The following MAP3K6 variants were observed in gnomAD, a reference collection of about 807,000 sequenced individuals.
The protein encoded by MAP3K6 is mitogen-activated protein kinase kinase kinase 6.
Under a neutral mutation model 147.1 loss-of-function variants are expected in MAP3K6, and 105 were observed. That is an observed-to-expected ratio of 0.71 (90% CI 0.61 to 0.84). The LOEUF is 0.84. Ranked by LOEUF, MAP3K6 falls within the 40% of genes least tolerant of loss-of-function variation. The pLI is 0.00. For synonymous variants in MAP3K6, 695 were observed against 732.4 expected (o/e 0.95, Z 0.82); for missense variants, 1,569 against 1,715.0 (o/e 0.91, Z 1.50).
At position 27,361,501 on chromosome 1, in the gene MAP3K6, G is replaced by A; in HGVS notation, c.1686+19C>T. 1 of 1,613,214 alleles carries A rather than the reference G, an allele frequency of 6.2e-7. No homozygotes were observed. The highest frequency in any genetic ancestry group is 8.5e-7 in the Non-Finnish European group (1 of 1,179,318). ...AGGTCCTAGCAAAGGTGAGTGAGGG[G>A]CCTCAGCAGCGACTTCACCTGGGTC... On this transcript the variant is annotated intron_variant, in intron 11 of 28. Coordinates refer to ENST00000357582, the MANE Select transcript of MAP3K6 (RefSeq NM_004672.5).
At chr1:27,356,292 G>A (rs568930847) in intron 26 of MAP3K6, 96 bp downstream of exon 26, 1 of 1,253,344 alleles carries the variant, frequency 8.0e-7, no homozygotes, top group African/African-American at 1.5e-5. Context: ...GCCCGCTCAG[G>A]TGATGAGCCC....
Position 27,357,031 on chromosome 1 carries a change from T to G in MAP3K6, c.3342A>C (p.Ala1114=). ...LDSLLSRAVR[A]ALGVLGPEVE... is the part of the protein sequence containing the mutation. Reference sequence around the variant, plus strand: ...TACCCGGTCCTAGCACACCCAGGGCTGCCCGCACAGCACGGCTGAGCAGTG... The same window carrying G: ...TACCCGGTCCTAGCACACCCAGGGCGGCCCGCACAGCACGGCTGAGCAGTG... Residue 1114 remains alanine (A), a synonymous_variant, in exon 24 of 29, where the codon GCA becomes GCC. Coordinates refer to ENST00000357582, the MANE Select transcript of MAP3K6 (RefSeq NM_004672.5). 1 of 1,614,004 alleles carries G rather than the reference T, an allele frequency of 6.2e-7. No individual in the cohort carries two copies.
rs751286317 is a variant in MAP3K6, at chr1:27,361,784, C to G, written c.1499G>C (p.Arg500Pro). 10 of 1,612,006 alleles carry G rather than the reference C, an allele frequency of 6.2e-6. No individual in the cohort carries two copies. In the South Asian group the frequency reaches 1.1e-4, roughly 18 times the overall value. Residue 500 changes from arginine (R) to proline (P), a missense_variant, in exon 10 of 29, where the codon CGT becomes CCT. By Grantham distance (103) the Arg-to-Pro change is moderately radical. Coordinates refer to ENST00000357582, the MANE Select transcript of MAP3K6 (RefSeq NM_004672.5). ...CAAGAAGTGGAGCCAGAAGTGGGCA[C>G]GGCGTGGTGGCCCTCCAGGGGGCTC... ...TPEPPGGPPR[R>P]AHFWLHFLLQ...
chr1:27,362,871 G>C lies in MAP3K6; in HGVS notation c.1122C>G (p.His374Gln), dbSNP rs755979006. ...FFSSGFQDAG[H>Q]REQAYHWYRK... ...TTTACCAGTGATAGGCCTGCTCCCG[G>C]TGCCCAGCATCCTGGAAACCCGAGC... Residue 374 changes from histidine to glutamine, a missense_variant, in exon 7 of 29, where the codon CAC becomes CAG. By Grantham distance (24) the His-to-Gln change is conservative. Coordinates refer to ENST00000357582, the MANE Select transcript of MAP3K6 (RefSeq NM_004672.5). 7 of 1,614,064 alleles carry C rather than the reference G, an allele frequency of 4.3e-6. No homozygotes were observed. Among genetic ancestry groups the C allele is most frequent in the Non-Finnish European group, 5.9e-6 (7 of 1,179,996 alleles).
chr1:27,366,538 C>T lies in MAP3K6; in HGVS notation c.60G>A (p.Pro20=), dbSNP rs1379031433. 6 of 1,101,228 alleles carry T rather than the reference C, an allele frequency of 5.4e-6. No individual in the cohort carries two copies. The highest frequency in any genetic ancestry group is 5.5e-5 in the East Asian group (1 of 18,244). The allele number at this position is 1,101,228 out of a possible 1,614,324, so 68.2% of individuals were successfully genotyped here. A position where few individuals can be genotyped will look rare whatever the true frequency, so the allele number is the denominator to read the frequency against. The part of the protein sequence containing the change: ...AERAGSCWQD[P]LAVALSRGRQ... The stretch of plus-strand genomic sequence containing the variant: ...GGCCCCGGCTCAGCGCCACGGCCAG[C>T]GGGTCCTGCCAGCAGCTGCCGGCGC... The change falls in exon 1 of 29, where the codon CCG becomes CCA. Residue 20 remains proline (P), a synonymous_variant. Transcript: ENST00000357582. This position sits in a 1 kb window ranked among gnomAD's most constrained non-coding sequence, Gnocchi z 5.5.
chr1:27,355,925 G>T, intron 27 of MAP3K6, 101 bp downstream of exon 27: 2 of 1,223,412 alleles, frequency 1.6e-6, no homozygotes, highest in Non-Finnish European at 2.4e-6. Flanking sequence ...CTGGTAGTGA[G>T]ATTCTCTGCA....
At position 27,359,811 on chromosome 1, in the gene MAP3K6, T is replaced by G; in HGVS notation, c.2319+47A>C. The G allele has an allele frequency of 6.2e-7, 1 of 1,608,592 alleles. No individual in the cohort carries two copies. Among genetic ancestry groups the G allele is most frequent in the East Asian group, 2.2e-5 (1 of 44,724 alleles). ...GCCTGCGTCTGGGACCATGTTTCCT[T>G]CCCCGCCACCCTCAGCAGATGAGGG... On this transcript the variant is annotated intron_variant, in intron 17 of 28. Coordinates refer to ENST00000357582, the MANE Select transcript of MAP3K6 (RefSeq NM_004672.5). The surrounding 1 kb of genome is among the most constrained non-coding windows in gnomAD (Gnocchi z 4.4).
In MAP3K6 at chr1:27,357,278, G is replaced by T. The variant is rs928750001; in HGVS notation, c.3258+122C>A. The T allele has an allele frequency of 2.9e-6, 4 of 1,399,732 alleles. No homozygotes were observed. The South Asian group carries it at 4.0e-5, about 14-fold the overall frequency. 86.7% of individuals were successfully genotyped at this position (1,399,732 alleles called of 1,614,324 possible). On this transcript the variant is annotated intron_variant, in intron 23 of 28. Coordinates refer to ENST00000357582, the MANE Select transcript of MAP3K6 (RefSeq NM_004672.5). ...AGGACTGGGCAGACGGTTTTTTGCT[G>T]CAGGCCTGATCTTCACAGAGGAGAC...
chr1:27,356,976 G>A, intron 24 of MAP3K6, 33 bp downstream of exon 24: 1 of 1,595,276 alleles, frequency 6.3e-7, no homozygotes. Context: ...CCACACCCTC[G>A]CTGGCAGGAG....
In MAP3K6 at chr1:27,366,739, G is replaced by T; in HGVS notation, c.-142C>A. 2 of 532,904 alleles carry T rather than the reference G, an allele frequency of 3.8e-6. No homozygotes were observed. Among genetic ancestry groups the T allele is most frequent in the Non-Finnish European group, 4.8e-6 (2 of 412,968 alleles). The allele number at this position is 532,904 out of a possible 1,614,324, so 33.0% of individuals were successfully genotyped here. A position where few individuals can be genotyped will look rare whatever the true frequency, so the allele number is the denominator to read the frequency against. ...CACGGGATCTAGGGATCCGGAATAC[G>T]GCCTGACGTCCCGTTCCAGGAATCT... On this transcript the variant is annotated 5_prime_UTR_variant, in exon 1 of 29. Coordinates refer to ENST00000357582, the MANE Select transcript of MAP3K6 (RefSeq NM_004672.5). The surrounding 1 kb of genome is among the most constrained non-coding windows in gnomAD (Gnocchi z 5.5).
chr1:27,365,337 T>C (rs2015939085), intron 1 of MAP3K6, among the ~76,000 whole-genome samples: 1 of 152,238 alleles, frequency 6.6e-6, no homozygotes, highest in Non-Finnish European at 1.5e-5. Flanking sequence ...TGTGTATATC[T>C]GTGACATGTA....
chr1:27,359,508 C>T lies in MAP3K6; in HGVS notation c.2334G>A (p.Leu778=). Residue 778 remains leucine (L), a synonymous_variant, in exon 18 of 29, where the codon CTG becomes CTA. Coordinates refer to ENST00000357582, the MANE Select transcript of MAP3K6 (RefSeq NM_004672.5). The surrounding 1 kb of genome is among the most constrained non-coding windows in gnomAD (Gnocchi z 4.4). ...VHRDIKGDNV[L]INTFSGLLKI... The stretch of plus-strand genomic sequence containing the variant: ...TGAGCAGCCCACTGAAGGTGTTGAT[C>T]AGCACATTGTCCCCCTGATTGACAG... 6.2e-7 allele frequency: 1 copy of T among 1,614,092 alleles called. No homozygotes were observed. The highest frequency in any genetic ancestry group is 8.5e-7 in the Non-Finnish European group (1 of 1,180,020).
intron 26 of MAP3K6, 114 bp from the exon 27 acceptor site, chr1:27,356,213 G>C (rs1449070138): frequency 1.7e-6 from 2 of 1,150,998 alleles, no homozygotes; most frequent in Admixed American, 1.9e-5. Context: ...GCCCAAGTCA[G>C]GTGATGAGCC....
chr1:27,357,021 C>T lies in MAP3K6; in HGVS notation c.3352G>A (p.Val1118Met), dbSNP rs2015552876. 6.2e-7 allele frequency: 1 copy of T among 1,613,942 alleles called. No individual in the cohort carries two copies. Among genetic ancestry groups the T allele is most frequent in the African/African-American group, 1.3e-5 (1 of 75,070 alleles). Residue 1118 changes from valine (V) to methionine (M), a missense_variant, in exon 24 of 29, where the codon GTG (valine) becomes ATG (methionine). Coordinates refer to ENST00000357582, the MANE Select transcript of MAP3K6 (RefSeq NM_004672.5). ...ATTCCCCTCCTACCCGGTCCTAGCACACCCAGGGCTGCCCGCACAGCACGG... is the reference window on the plus strand; with the variant it reads ...ATTCCCCTCCTACCCGGTCCTAGCATACCCAGGGCTGCCCGCACAGCACGG... ...LSRAVRAALGVLGPEVEKEAV... is the reference protein window; with the variant it reads ...LSRAVRAALGMLGPEVEKEAV...
chr1:27,356,755 G>A lies in MAP3K6; in HGVS notation c.3365-6C>T. 6.5e-7 allele frequency: 1 copy of A among 1,548,580 alleles called. No individual in the cohort carries two copies. The highest frequency in any genetic ancestry group is 8.7e-7 in the Non-Finnish European group (1 of 1,147,774). ...GACCGCCTCCTTCTCCACCTCTGCAGCCCAGTGCGGTGAACTCAGGCAAGG... is the reference window on the plus strand; with the variant it reads ...GACCGCCTCCTTCTCCACCTCTGCAACCCAGTGCGGTGAACTCAGGCAAGG... On this transcript the variant is annotated splice_region_variant and splice_polypyrimidine_tract_variant and intron_variant, in intron 24 of 28. Coordinates refer to ENST00000357582, the MANE Select transcript of MAP3K6 (RefSeq NM_004672.5).
rs1412911720 is a variant in MAP3K6 at position 27,357,106 on chromosome 1, C to T, written c.3267G>A (p.Gln1089=). 6.2e-7 allele frequency: 1 copy of T among 1,613,568 alleles called. No individual in the cohort carries two copies. Among genetic ancestry groups the T allele is most frequent in the African/African-American group, 1.3e-5 (1 of 74,922 alleles). ...PLFAFPDAVK[Q]ILRKRQIRPH... ...GACGGATCTGGCGCTTGCGGAGGAT[C>T]TGCTTCACCTGCAGGGGGAGGGAGG... Residue 1089 remains glutamine, a synonymous_variant, in exon 24 of 29, where the codon CAG becomes CAA. Coordinates refer to ENST00000357582, the MANE Select transcript of MAP3K6 (RefSeq NM_004672.5).
At chr1:27,362,343 G>T in intron 8 of MAP3K6, 93 bp from the exon 9 acceptor site, 1 of 1,311,840 alleles carries the variant, frequency 7.6e-7, no homozygotes, top group Non-Finnish European at 1.1e-6. Flanking sequence ...CATGAACATA[G>T]ATATGAGTAT....
rs760381536 is a variant in MAP3K6, at chr1:27,360,993, G to A, written c.1848C>T (p.Ile616=). Residue 616 remains isoleucine (I), a synonymous_variant, in exon 14 of 29, where the codon ATC becomes ATT. Coordinates refer to ENST00000357582, the MANE Select transcript of MAP3K6 (RefSeq NM_004672.5). The surrounding 1 kb of genome is among the most constrained non-coding windows in gnomAD (Gnocchi z 4.5). ...AATCCGGGTTCGTCACCCAGGCCTGGATCAGGCCGCAGAACCTGAAGGTGG... is the reference window on the plus strand; with the variant it reads ...AATCCGGGTTCGTCACCCAGGCCTGAATCAGGCCGCAGAACCTGAAGGTGG... ...VGHCQWFCGL[I]QAWVTNPDST... 61 of 1,599,520 alleles carry A rather than the reference G, an allele frequency of 3.8e-5. 2 individuals carry two copies. The South Asian group carries it at 6.8e-4, about 18-fold the overall frequency.
chr1:27,366,478 C>A lies in MAP3K6; in HGVS notation c.120G>T (p.Ala40=). Residue 40 remains alanine (A), a synonymous_variant, in exon 1 of 29, where the codon GCG becomes GCT. Coordinates refer to ENST00000357582, the MANE Select transcript of MAP3K6 (RefSeq NM_004672.5). The surrounding 1 kb of genome is among the most constrained non-coding windows in gnomAD (Gnocchi z 5.5). ...AGACCACGCTGAGCGGCCGGCTCCG[C>A]GCGCAGCCCCGGCCCGGGGGCGCCG... The part of the protein sequence containing the change: ...QLAAPPGRGC[A]RSRPLSVVYV... The A allele has an allele frequency of 8.6e-7, 1 of 1,156,726 alleles. No individual in the cohort carries two copies. The highest frequency in any genetic ancestry group is 1.1e-6 in the Non-Finnish European group (1 of 940,140). The allele number at this position is 1,156,726 out of a possible 1,614,324, so 71.7% of individuals were successfully genotyped here.
Sources: allele counts gnomAD v4.1 joint callset (sites outside exome capture counted in the v4.1 genomes callset), GRCh38; gene constraint gnomAD v4.1.1; non-coding constraint Gnocchi (gnomAD v3.1); transcripts MANE v1.5; gene names NCBI Gene and HGNC (gene_info 2026-07-23, HGNC 2026-07-21).